LRP1B: variants seen among roughly 807,000 people sequenced by gnomAD.
The protein encoded by LRP1B is low-density lipoprotein receptor-related protein 1B.
A neutral mutation model predicts 556.6 loss-of-function variants in LRP1B; 217 were observed. The ratio of observed to expected loss-of-function variants is 0.39; its 90% CI spans 0.35 to 0.44. The LOEUF (loss-of-function observed/expected upper bound fraction) is 0.44, where lower values mean the gene tolerates loss of function less well. Ranked by LOEUF, LRP1B falls within the 20% of genes least tolerant of loss-of-function variation. The pLI, the probability that LRP1B is intolerant of heterozygous loss-of-function variation, is 1.00. For missense variants in LRP1B, 5,053 were observed against 5,620.8 expected, an observed-to-expected ratio of 0.90 and a Z score of 3.23; for synonymous variants, 2,047 against 1,865.8, an observed-to-expected ratio of 1.10 and a Z score of -2.50.
intron 1 of LRP1B, among the ~76,000 whole-genome samples, chr2:141,831,334 C>T (rs1241663916): frequency 6.6e-6 from 1 of 151,536 alleles, no homozygotes; most frequent in Non-Finnish European, 1.5e-5. Context: ...AGATTCTGTA[C>T]CTTCTGTTTA....
intron 37 of LRP1B, among the ~76,000 whole-genome samples, chr2:140,707,808 T>C (rs1686892375): frequency 6.6e-6 from 1 of 152,110 alleles, no homozygotes; most frequent in Non-Finnish European, 1.5e-5. Flanking sequence ...GTCTTAAATA[T>C]GTTGCTATTG....
chr2:141,418,208 G>T (rs942239972), intron 3 of LRP1B, among the ~76,000 whole-genome samples: 111 of 152,138 alleles, frequency 7.3e-4, no homozygotes, highest in African/African-American at 2.6e-3. Context: ...TCTGTTGATT[G>T]TTTCCTTGGT....
At chr2:141,881,386 T>A (rs1308624964) in intron 1 of LRP1B, among the ~76,000 whole-genome samples, 1 of 152,090 alleles carries the variant, frequency 6.6e-6, no homozygotes, top group Non-Finnish European at 1.5e-5. Flanking sequence ...AATCTTGGCA[T>A]CTTAGATAAG....
intron 43 of LRP1B, among the ~76,000 whole-genome samples, chr2:140,578,374 A>T (rs1306355538): frequency 6.6e-6 from 1 of 152,192 alleles, no homozygotes; most frequent in Non-Finnish European, 1.5e-5. Context: ...CCATTAACGT[A>T]GTACCATGCA....
intron 22 of LRP1B, among the ~76,000 whole-genome samples, chr2:140,904,576 T>C (rs1009820172): frequency 3.3e-5 from 5 of 152,130 alleles, no homozygotes; most frequent in Non-Finnish European, 7.4e-5. Flanking sequence ...CTCTTCTTCA[T>C]ATAATTTGTC....
intron 31 of LRP1B, among the ~76,000 whole-genome samples, chr2:140,836,658 T>C (rs1393740072): frequency 2.6e-5 from 4 of 152,126 alleles, no homozygotes; most frequent in African/African-American, 9.7e-5. Flanking sequence ...ACTTTCTTCT[T>C]GTGGGTGTCT....
intron 20 of LRP1B, among the ~76,000 whole-genome samples, chr2:140,934,646 A>G (rs370165205): frequency 1.3e-5 from 2 of 152,230 alleles, no homozygotes; most frequent in East Asian, 3.9e-4. Flanking sequence ...AGCTTGTGTG[A>G]TCCAGAGTAG....
chr2:141,018,070 C>T (rs1257820246), intron 12 of LRP1B, among the ~76,000 whole-genome samples: 1 of 150,414 alleles, frequency 6.6e-6, no homozygotes. Context: ...TTCTTAAACA[C>T]ACAGAATAGA....
chr2:142,088,023 T>G (rs112633189), intron 1 of LRP1B, among the ~76,000 whole-genome samples: 10,431 of 152,186 alleles, frequency 0.069, 475 homozygotes, highest in Non-Finnish European at 0.094. Context: ...AGCAATTATT[T>G]ATGTGTCAAA....
chr2:141,787,606 G>GA lies in LRP1B; in HGVS notation c.205+22672dup, dbSNP rs199684326. Among the ~76,000 whole-genome samples, 1,278 of 148,582 alleles carry GA rather than the reference G, an allele frequency of 8.6e-3. 10 individuals carry two copies. The highest frequency in any genetic ancestry group is 0.045 in the Middle Eastern group (13 of 290). On this transcript the variant is annotated intron_variant, in intron 2 of 90. Coordinates refer to ENST00000389484, the MANE Select transcript of LRP1B (RefSeq NM_018557.3). ...TCGAGGAAGGAGTTGACTACAAATA[G>GA]AAAAAAAAACAACTTCTTGGGATAA...
intron 41 of LRP1B, among the ~76,000 whole-genome samples, chr2:140,698,918 A>G (rs1176610647): frequency 6.6e-6 from 1 of 152,084 alleles, no homozygotes; most frequent in Non-Finnish European, 1.5e-5. Context: ...TTATTATGCA[A>G]TACTCCCAAA....
intron 12 of LRP1B, among the ~76,000 whole-genome samples, chr2:141,018,015 A>T (rs112732129): frequency 1.6e-4 from 25 of 151,746 alleles, no homozygotes; most frequent in African/African-American, 4.1e-4. Flanking sequence ...AAAAAAAAAA[A>T]ATTATGAAAG....
At chr2:140,401,162 T>C (rs1684482880) in intron 66 of LRP1B, among the ~76,000 whole-genome samples, 1 of 152,140 alleles carries the variant, frequency 6.6e-6, no homozygotes, top group African/African-American at 2.4e-5. Context: ...GGAAGTACAC[T>C]GCAGGCATGA....
chr2:141,091,835 CTGT>C (rs1320215027), intron 7 of LRP1B, among the ~76,000 whole-genome samples: 1 of 152,182 alleles, frequency 6.6e-6, no homozygotes, highest in Admixed American at 6.5e-5. Context: ...ATATTTGTGA[CTGT>C]TGTTGGGCTC....
At chr2:141,030,849 G>A (rs1698348614) in intron 11 of LRP1B, among the ~76,000 whole-genome samples, 1 of 151,986 alleles carries the variant, frequency 6.6e-6, no homozygotes, top group Non-Finnish European at 1.5e-5. Flanking sequence ...AAAGAGAATT[G>A]ATAGGTGTTT....
chr2:140,427,846 T>G (rs1232773950), intron 66 of LRP1B, among the ~76,000 whole-genome samples: 1 of 151,940 alleles, frequency 6.6e-6, no homozygotes, highest in Non-Finnish European at 1.5e-5. Flanking sequence ...CAGCCTCCGC[T>G]CCTCCACCCT....
At chr2:141,023,956 T>A (rs541788103) in intron 11 of LRP1B, among the ~76,000 whole-genome samples, 5 of 152,118 alleles carry the variant, frequency 3.3e-5, no homozygotes, top group Admixed American at 3.3e-4. Context: ...TTTAAATAAT[T>A]AAGTCTGCAT....
At chr2:141,613,231 G>T (rs966082925) in intron 2 of LRP1B, among the ~76,000 whole-genome samples, 2 of 151,772 alleles carry the variant, frequency 1.3e-5, no homozygotes, top group East Asian at 1.9e-4. Flanking sequence ...TTTCTCTCTG[G>T]TAAGTACTTC....
chr2:140,710,685 G>A (rs887134859), intron 37 of LRP1B, among the ~76,000 whole-genome samples: 5 of 151,912 alleles, frequency 3.3e-5, no homozygotes, highest in African/African-American at 1.2e-4. Flanking sequence ...AAAATGCAGG[G>A]TCAGAGAAGG....
Sources: allele counts gnomAD v4.1 joint callset (sites outside exome capture counted in the v4.1 genomes callset), GRCh38; gene constraint gnomAD v4.1.1; transcripts MANE v1.5; gene names NCBI Gene and HGNC (gene_info 2026-07-23, HGNC 2026-07-21).